Variants in MAGED1 observed in about 807,000 individuals in gnomAD.
The protein encoded by MAGED1 is melanoma-associated antigen D1.
A neutral mutation model predicts 54.1 loss-of-function variants in MAGED1; 3 were observed. That is an observed-to-expected ratio of 0.06 (90% CI 0.03 to 0.14). The LOEUF is 0.14. Ranked by LOEUF, MAGED1 falls within the 10% of genes least tolerant of loss-of-function variation. The pLI, the probability that MAGED1 is intolerant of heterozygous loss-of-function variation, is 1.00. For missense variants in MAGED1, 485 were observed against 623.4 expected (o/e 0.78, Z 2.36); for synonymous variants, 217 against 227.3 (o/e 0.95, Z 0.41).
At chrX:51,817,419 T>C (rs1196971213) in intron 1 of MAGED1, among the ~76,000 whole-genome samples, 2 of 111,964 alleles carry the variant, frequency 1.8e-5, no homozygotes, top group Non-Finnish European at 3.8e-5. Flanking sequence ...CCAATATTGT[T>C]GACATTACTG....
chrX:51,849,856 A>G (rs1320867929), intron 1 of MAGED1, among the ~76,000 whole-genome samples: 2 of 111,869 alleles, frequency 1.8e-5, no homozygotes, highest in Non-Finnish European at 3.8e-5. Context: ...TAATTTGTGA[A>G]TAATTTTTTT....
rs782641546 is a variant in MAGED1 at position 51,818,341 on chromosome X, G to C, written c.-37+15224G>C. On this transcript the variant is annotated intron_variant, in intron 1 of 12. Transcript: ENST00000375772. ...GGTCATGGAAGCCATGGCACTACAAGCTGGGCATGGCTACTGAGGCCTCTT... is the reference window on the plus strand; with the variant it reads ...GGTCATGGAAGCCATGGCACTACAACCTGGGCATGGCTACTGAGGCCTCTT... Among the ~76,000 whole-genome samples, 4 of 111,539 alleles carry C rather than the reference G, an allele frequency of 3.6e-5. No individual in the cohort carries two copies. The East Asian group carries it at 1.1e-3, about 32-fold the overall frequency.
At chrX:51,884,050 A>G (rs1928157255) in intron 1 of MAGED1, among the ~76,000 whole-genome samples, 1 of 111,629 alleles carries the variant, frequency 9.0e-6, no homozygotes, top group Non-Finnish European at 1.9e-5. Flanking sequence ...AATATGTGTC[A>G]TTGTAATCAC....
intron 1 of MAGED1, among the ~76,000 whole-genome samples, chrX:51,884,415 T>C (rs983484860): frequency 2.7e-5 from 3 of 111,958 alleles, no homozygotes; most frequent in African/African-American, 9.7e-5. Flanking sequence ...AAATACCCAA[T>C]GAAAATAAAA....
At chrX:51,898,034 G>T in intron 7 of MAGED1, 80 bp from the exon 8 acceptor site, 1 of 957,248 alleles carries the variant, frequency 1.0e-6, no homozygotes. Context: ...GAGGAATATT[G>T]GGGAGGCTAG....
chrX:51,870,152 T>G (rs1927613153), intron 1 of MAGED1, among the ~76,000 whole-genome samples: 1 of 111,936 alleles, frequency 8.9e-6, no homozygotes, highest in Non-Finnish European at 1.9e-5. Flanking sequence ...CAAATTTTAC[T>G]GCAATTTTAG....
chrX:51,825,508 G>A (rs1925823371), intron 1 of MAGED1, among the ~76,000 whole-genome samples: 1 of 112,229 alleles, frequency 8.9e-6, no homozygotes, highest in Non-Finnish European at 1.9e-5. Flanking sequence ...TGTATTTATT[G>A]TATGTGTAAC....
intron 1 of MAGED1, among the ~76,000 whole-genome samples, chrX:51,851,195 G>C (rs896612215): frequency 1.8e-5 from 2 of 111,548 alleles, no homozygotes; most frequent in African/African-American, 6.5e-5. Flanking sequence ...TCTCACTGTT[G>C]AAATAGAAAT....
chrX:51,804,835 G>A (rs1246102427), intron 1 of MAGED1, among the ~76,000 whole-genome samples: 1 of 111,798 alleles, frequency 8.9e-6, no homozygotes, highest in Non-Finnish European at 1.9e-5. Context: ...GCAGGAACCT[G>A]AAGGAACTGA....
chrX:51,803,337 G>T (rs1299642086), intron 1 of MAGED1, among the ~76,000 whole-genome samples: 2 of 110,128 alleles, frequency 1.8e-5, no homozygotes, highest in Admixed American at 9.7e-5. Context: ...TCCTCACTCT[G>T]GTGGTCCCTT....
chrX:51,876,234 CTT>C (rs782260180), intron 1 of MAGED1, among the ~76,000 whole-genome samples: 2 of 102,469 alleles, frequency 2.0e-5, no homozygotes. Context: ...GTCTTTCTTT[CTT>C]TTTTTTTTTT....
chrX:51,896,460 C>T lies in MAGED1; in HGVS notation c.805C>T (p.Pro269Ser), dbSNP rs1254946533. The change falls in exon 4 of 13, where the codon CCA becomes TCA. Residue 269 changes from proline to serine, a missense_variant. Pro to Ser is a moderately conservative substitution (Grantham distance 74). Coordinates refer to ENST00000326587, the MANE Select transcript of MAGED1 (RefSeq NM_006986.4). ...ENSSGDQRRA[P>S]LAAGTWRSAP... ...CAGCAGTGGGGATCAGAGGCGGGCC[C>T]CACTGGCTGCAGGGACCTGGAGGTC... 3 of 1,211,024 alleles carry T rather than the reference C, an allele frequency of 2.5e-6. No individual in the cohort carries two copies. Among genetic ancestry groups the T allele is most frequent in the South Asian group, 3.5e-5 (2 of 56,929 alleles).
intron 1 of MAGED1, among the ~76,000 whole-genome samples, chrX:51,807,437 T>C (rs1925072315): frequency 9.0e-6 from 1 of 111,669 alleles, no homozygotes; most frequent in African/African-American, 3.3e-5. Flanking sequence ...TGAATTCTAA[T>C]ATCATTCCGT....
intron 1 of MAGED1, among the ~76,000 whole-genome samples, chrX:51,839,705 C>T (rs1926383906): frequency 8.9e-6 from 1 of 111,805 alleles, no homozygotes; most frequent in African/African-American, 3.3e-5. Context: ...GGGATACATG[C>T]CATCTTGTAT....
upstream of MAGED1, among the ~76,000 whole-genome samples, chrX:51,891,064 G>A (rs1476946714): frequency 8.9e-6 from 1 of 112,167 alleles, no homozygotes; most frequent in Non-Finnish European, 1.9e-5. Context: ...TCTTACCATG[G>A]AATATTATGC....
At chrX:51,812,107 C>G (rs1282389594) in intron 1 of MAGED1, among the ~76,000 whole-genome samples, 1 of 109,441 alleles carries the variant, frequency 9.1e-6, no homozygotes, top group Non-Finnish European at 1.9e-5. Flanking sequence ...ACCTTAAGGG[C>G]TCAGAGAAGG....
rs913432887 is a variant in MAGED1, at chrX:51,874,637, C to A, written c.-36-19632C>A. Among the ~76,000 whole-genome samples the A allele has an allele frequency of 3.6e-5, 4 of 110,966 alleles. No individual in the cohort carries two copies. In the East Asian group the frequency reaches 1.1e-3, roughly 31 times the overall value. ...ATGACTTGGACCTTATTAAATAGAT[C>A]TCATGTTTTTACTTAACATGACCAT... On this transcript the variant is annotated intron_variant, in intron 1 of 12. Transcript: ENST00000375772.
At chrX:51,836,103 A>G (rs1314724140) in intron 1 of MAGED1, among the ~76,000 whole-genome samples, 1 of 111,643 alleles carries the variant, frequency 9.0e-6, no homozygotes, top group African/African-American at 3.2e-5. Flanking sequence ...CCTCTACTTA[A>G]CTTTGTAAAT....
chrX:51,845,449 C>T (rs1359736414), intron 1 of MAGED1, among the ~76,000 whole-genome samples: 2 of 111,670 alleles, frequency 1.8e-5, no homozygotes, highest in Non-Finnish European at 3.8e-5. Context: ...GGACTGGTAG[C>T]TCTTTTTTTC....
Sources: allele counts gnomAD v4.1 joint callset (sites outside exome capture counted in the v4.1 genomes callset), GRCh38; gene constraint gnomAD v4.1.1; transcripts MANE v1.5; gene names NCBI Gene and HGNC (gene_info 2026-07-23, HGNC 2026-07-21).